DAB1: variants seen among roughly 807,000 people sequenced by gnomAD.
The protein encoded by DAB1 is disabled homolog 1.
A neutral mutation model predicts 64.6 loss-of-function variants in DAB1; 15 were observed. The observed-to-expected ratio is 0.23, with a 90% CI of 0.16 to 0.36. The LOEUF (loss-of-function observed/expected upper bound fraction) is 0.36, where lower values mean the gene tolerates loss of function less well. DAB1 is among the 10% of genes least tolerant of loss of function. The probability of loss-of-function intolerance (pLI) is 1.00; values close to 1 mark genes in which losing one functional copy is unlikely to be tolerated. For missense variants in DAB1, 596 were observed against 706.7 expected (o/e 0.84, Z 1.78); for synonymous variants, 235 against 251.9 (o/e 0.93, Z 0.64).
At chr1:57,141,929 T>C (rs1244020970) in intron 3 of DAB1, among the ~76,000 whole-genome samples, 1 of 152,178 alleles carries the variant, frequency 6.6e-6, no homozygotes, top group East Asian at 1.9e-4. Flanking sequence ...GTGTCTGGGT[T>C]AGAATTCATC....
intron 7 of DAB1, among the ~76,000 whole-genome samples, chr1:57,488,395 C>T (rs2101266199): frequency 7.8e-6 from 1 of 128,602 alleles, no homozygotes; most frequent in African/African-American, 2.9e-5. Flanking sequence ...GAGCCAGATT[C>T]CGTCTCAAAA....
intron 7 of DAB1, among the ~76,000 whole-genome samples, chr1:57,457,175 T>C (rs988812603): frequency 2.2e-4 from 33 of 152,240 alleles, no homozygotes; most frequent in African/African-American, 7.0e-4. Context: ...CAGAGACCCT[T>C]CTGCCTTGAG....
chr1:58,477,237 A>G (rs1645427604), intron 3 of DAB1, among the ~76,000 whole-genome samples: 1 of 152,228 alleles, frequency 6.6e-6, no homozygotes, highest in South Asian at 2.1e-4. Context: ...AAGACAAAAC[A>G]AAACAAAAAA....
intron 5 of DAB1, among the ~76,000 whole-genome samples, chr1:58,083,747 C>A (rs1437771857): frequency 6.6e-6 from 1 of 152,160 alleles, no homozygotes; most frequent in African/African-American, 2.4e-5. Flanking sequence ...AGCAAACAGA[C>A]ACACAAATAC....
At chr1:57,495,141 T>C (rs931512770) in intron 7 of DAB1, among the ~76,000 whole-genome samples, 4 of 152,128 alleles carry the variant, frequency 2.6e-5, no homozygotes, top group African/African-American at 9.7e-5. Flanking sequence ...CCCCCAAAGC[T>C]CAATGTGAGT....
intron 6 of DAB1, among the ~76,000 whole-genome samples, chr1:57,727,564 T>C (rs929261898): frequency 1.3e-5 from 2 of 152,222 alleles, no homozygotes; most frequent in African/African-American, 4.8e-5. Flanking sequence ...GAATGTTCCA[T>C]AAATGGCTTC....
intron 3 of DAB1, among the ~76,000 whole-genome samples, chr1:58,458,695 T>C (rs1031781237): frequency 2.0e-5 from 3 of 152,144 alleles, no homozygotes. Flanking sequence ...TCCCAGCTAC[T>C]TGAGAGGCTA....
chr1:57,016,601 A>G (rs1186881780), intron 11 of DAB1, among the ~76,000 whole-genome samples: 2 of 152,052 alleles, frequency 1.3e-5, no homozygotes, highest in Non-Finnish European at 2.9e-5. Flanking sequence ...CTAAAAAAAA[A>G]AAAAGAAAGA....
intron 5 of DAB1, among the ~76,000 whole-genome samples, chr1:58,126,148 T>C (rs925647611): frequency 6.6e-6 from 1 of 152,202 alleles, no homozygotes; most frequent in Non-Finnish European, 1.5e-5. Context: ...TCCCACAGAA[T>C]GTGCTATCCA....
At chr1:58,052,671 T>A (rs1049855328) in intron 5 of DAB1, among the ~76,000 whole-genome samples, 5 of 152,210 alleles carry the variant, frequency 3.3e-5, no homozygotes, top group Admixed American at 3.3e-4. Flanking sequence ...ATTCTTCCTA[T>A]CCATAAGCAT....
downstream of DAB1, among the ~76,000 whole-genome samples, chr1:57,825,692 T>G (rs1652319057): frequency 6.6e-6 from 1 of 152,216 alleles, no homozygotes; most frequent in Admixed American, 6.5e-5. Flanking sequence ...ATTTGTTGAT[T>G]GAATAAATGA....
intron 5 of DAB1, among the ~76,000 whole-genome samples, chr1:58,080,438 T>C (rs553066436): frequency 3.4e-4 from 52 of 152,294 alleles, no homozygotes; most frequent in Middle Eastern, 6.8e-3. Context: ...TTTTCCAAGA[T>C]TATGCCCAAG....
At chr1:57,039,122 A>T (rs1647380106) in intron 9 of DAB1, among the ~76,000 whole-genome samples, 3 of 152,194 alleles carry the variant, frequency 2.0e-5, no homozygotes, top group Non-Finnish European at 2.9e-5. Context: ...AGATGTGGGG[A>T]ACAGTAGTTT....
At chr1:57,166,620 G>A (rs929102501) in intron 2 of DAB1, among the ~76,000 whole-genome samples, 1 of 152,182 alleles carries the variant, frequency 6.6e-6, no homozygotes, top group African/African-American at 2.4e-5. Context: ...AAAGTTTTGA[G>A]GGAGAGGTGG....
Position 58,011,784 on chromosome 1 carries a change from C to T in DAB1, n.388-127622G>A, listed in dbSNP as rs11802090. ...CTCATTGCAATTTCCCCTCCACCTC[C>T]GGGTTCAAGCGATTCTCCTGTTCAG... On this transcript the variant is annotated intron_variant and non_coding_transcript_variant, in intron 5 of 20. Coordinates refer to the DAB1 transcript ENST00000485760. 6.0e-3 allele frequency among the ~76,000 whole-genome samples: 920 copies of T among 152,214 alleles called. 11 individuals carry two copies. The highest frequency in any genetic ancestry group is 0.021 in the African/African-American group (867 of 41,544).
intron 4 of DAB1, among the ~76,000 whole-genome samples, chr1:58,224,505 G>T (rs1039447962): frequency 6.6e-6 from 1 of 152,080 alleles, no homozygotes; most frequent in African/African-American, 2.4e-5. Flanking sequence ...TAGTAATATT[G>T]TAAGCATTGA....
chr1:57,031,196 C>T (rs1393549050), intron 9 of DAB1, among the ~76,000 whole-genome samples: 1 of 151,998 alleles, frequency 6.6e-6, no homozygotes, highest in African/African-American at 2.4e-5. Flanking sequence ...TAAATAGAAC[C>T]TTGAGTTAAT....
chr1:57,890,255 G>T (rs941986665), intron 5 of DAB1, among the ~76,000 whole-genome samples: 2 of 151,884 alleles, frequency 1.3e-5, no homozygotes, highest in Non-Finnish European at 2.9e-5. Context: ...TCTTTGAGGG[G>T]GTAATACCAC....
intron 2 of DAB1, among the ~76,000 whole-genome samples, chr1:57,266,721 G>A (rs1670615990): frequency 6.6e-6 from 1 of 152,174 alleles, no homozygotes; most frequent in Non-Finnish European, 1.5e-5. Context: ...TGAAATGAAT[G>A]AATACTGAAT....
Sources: gnomAD v4.1 joint callset for allele counts (sites outside exome capture counted in the v4.1 genomes callset) on GRCh38, gnomAD v4.1.1 for gene constraint, MANE v1.5 for transcripts, NCBI Gene and HGNC (gene_info 2026-07-23, HGNC 2026-07-21) for gene names.